PNLDC1: variants seen among roughly 807,000 people sequenced by gnomAD.
The protein encoded by PNLDC1 is PARN like ribonuclease domain containing exonuclease 1.
PNLDC1 carries 70 observed loss-of-function variants against 82.0 expected under a neutral mutation model. The observed-to-expected ratio is 0.85, with a 90% CI of 0.70 to 1.04. The LOEUF (loss-of-function observed/expected upper bound fraction) is 1.04. PNLDC1 is among the 50% of genes least tolerant of loss of function. The pLI, the probability that PNLDC1 is intolerant of heterozygous loss-of-function variation, is 0.00. For missense variants in PNLDC1, 631 were observed against 661.1 expected (o/e 0.95, Z 0.50); for synonymous variants, 280 against 249.3 (o/e 1.12, Z -1.16).
At chr6:159,805,915 G>GT (rs1781430082) in intron 6 of PNLDC1, 68 bp from the exon 7 acceptor site, 13 of 1,164,654 alleles carry the variant, frequency 1.1e-5, no homozygotes, top group Non-Finnish European at 1.6e-5. Context: ...CTGCTCTCAT[G>GT]TTAACATAGT....
chr6:159,814,159 C>T (rs534776225), intron 12 of PNLDC1, among the ~76,000 whole-genome samples: 92 of 152,274 alleles, frequency 6.0e-4, no homozygotes, highest in Admixed American at 2.8e-3. Context: ...CCTCAGCCCA[C>T]GGCAGGCAGG....
chr6:159,808,640 T>G, intron 7 of PNLDC1, 100 bp from the exon 8 acceptor site: 5 of 1,138,414 alleles, frequency 4.4e-6, no homozygotes, highest in South Asian at 1.4e-5. Context: ...CCTTTCCACT[T>G]GACCTTTCCA....
intron 11 of PNLDC1, among the ~76,000 whole-genome samples, chr6:159,813,048 A>G (rs1296059607): frequency 2.0e-5 from 3 of 152,160 alleles, no homozygotes; most frequent in African/African-American, 2.4e-5. Flanking sequence ...CAACAACTGA[A>G]GAACAGAGAA....
Position 159,800,597 on chromosome 6 carries a change from G to T in PNLDC1, c.77-175G>T. 9 of 1,535,252 alleles carry T rather than the reference G, an allele frequency of 5.9e-6. No homozygotes were observed. In the South Asian group the frequency reaches 9.5e-5, roughly 16 times the overall value. On this transcript the variant is annotated intron_variant, in intron 1 of 18. Coordinates refer to ENST00000392167, the MANE Select transcript of PNLDC1 (RefSeq NM_001271862.2). ...TCCCTTGTTGGCCAGAGCCCCGTGC[G>T]CCCAGGTGCCTGGCTGCTCCTTGCC...
chr6:159,802,594 G>A (rs933615627), intron 3 of PNLDC1, among the ~76,000 whole-genome samples: 3 of 151,498 alleles, frequency 2.0e-5, no homozygotes, highest in African/African-American at 7.3e-5. Flanking sequence ...TGTTTGGGGG[G>A]AAGGGGGACA....
At chr6:159,810,685 G>A (rs1781617465) in intron 10 of PNLDC1, among the ~76,000 whole-genome samples, 1 of 152,128 alleles carries the variant, frequency 6.6e-6, no homozygotes, top group Non-Finnish European at 1.5e-5. Context: ...AGTCTCCAGC[G>A]AGTTGACATT....
chr6:159,810,906 A>G (rs773919288), intron 10 of PNLDC1, among the ~76,000 whole-genome samples: 1 of 152,220 alleles, frequency 6.6e-6, no homozygotes, highest in Non-Finnish European at 1.5e-5. Context: ...TTCACCAAAA[A>G]ACTAAGTACA....
At chr6:159,815,385 A>G (rs1414436062) in intron 12 of PNLDC1, among the ~76,000 whole-genome samples, 1 of 152,180 alleles carries the variant, frequency 6.6e-6, no homozygotes, top group Non-Finnish European at 1.5e-5. Context: ...TGCCTGTTGT[A>G]GGGGCTCCTC....
chr6:159,818,757 C>T (rs532310272), intron 16 of PNLDC1, 103 bp downstream of exon 16: 37 of 1,279,756 alleles, frequency 2.9e-5, no homozygotes, highest in East Asian at 7.0e-5. Context: ...TTTCGGTGGT[C>T]GGTGAGATGA....
In PNLDC1 at chr6:159,806,013, G is replaced by A. The variant is rs1781433892; in HGVS notation, c.492G>A (p.Val164=). ...CGGATAAAGACCAAATCAAGGTGGT[G>A]ATTGACGAAGTGACGCGGTGGCTGG... ...SSPDKDQIKV[V]IDEVTRWLEL... Residue 164 remains valine (V), a synonymous_variant, in exon 7 of 19, where the codon GTG becomes GTA. Transcript: ENST00000392167. 6.2e-7 allele frequency: 1 copy of A among 1,614,094 alleles called. No individual in the cohort carries two copies. Among genetic ancestry groups the A allele is most frequent in the Admixed American group, 1.7e-5 (1 of 60,010 alleles).
At chr6:159,804,129 G>T (rs1562497266) in intron 5 of PNLDC1, 41 bp downstream of exon 5, 1 of 1,604,584 alleles carries the variant, frequency 6.2e-7, no homozygotes, top group East Asian at 2.2e-5. Flanking sequence ...TCTTTTGTTT[G>T]TTTCTGAGAT....
At chr6:159,820,425 G>T in intron 18 of PNLDC1, 29 bp from the exon 19 acceptor site, 3 of 1,613,000 alleles carry the variant, frequency 1.9e-6, no homozygotes, top group Non-Finnish European at 2.5e-6. Context: ...TGGGTGCCCC[G>T]GCCACTGACA....
chr6:159,808,930 T>G, intron 8 of PNLDC1, 85 bp from the exon 9 acceptor site: 1 of 1,589,016 alleles, frequency 6.3e-7, no homozygotes, highest in Non-Finnish European at 8.6e-7. Flanking sequence ...TTTCCCCCTT[T>G]CCTTTTGTTT....
upstream of PNLDC1, among the ~76,000 whole-genome samples, chr6:159,800,058 T>G (rs1477034303): frequency 6.6e-6 from 1 of 152,216 alleles, no homozygotes; most frequent in Non-Finnish European, 1.5e-5. Flanking sequence ...AAGAAATTGC[T>G]GAGGAGCCAG....
chr6:159,819,158 G>A lies in PNLDC1; in HGVS notation c.1433+37G>A, dbSNP rs1781948904. ...TAAGTCCGCGTCCCCCACCCCTCGT[G>A]CGTTCATCCCTGTATCTCTCTGACT... On this transcript the variant is annotated intron_variant, in intron 17 of 18. Transcript: ENST00000392167. This position sits in a 1 kb window ranked among gnomAD's most constrained non-coding sequence, Gnocchi z 4.6. 1 of 1,610,522 alleles carries A rather than the reference G, an allele frequency of 6.2e-7. No individual in the cohort carries two copies. The highest frequency in any genetic ancestry group is 8.5e-7 in the Non-Finnish European group (1 of 1,177,604).
chr6:159,813,803 G>A (rs564616666), intron 12 of PNLDC1, 147 bp downstream of exon 12: 56 of 691,850 alleles, frequency 8.1e-5, no homozygotes, highest in Admixed American at 3.5e-4. Flanking sequence ...CCTGCTTCAT[G>A]GCCCCCTTCC....
chr6:159,800,178 A>C, upstream of PNLDC1: 1 of 778,662 alleles, frequency 1.3e-6, no homozygotes, highest in Non-Finnish European at 2.0e-6. Flanking sequence ...GAAGCTGGGC[A>C]CGTGGGGCGG....
intron 1 of PNLDC1, 144 bp downstream of exon 1, chr6:159,800,527 C>T (rs1781203159): frequency 2.3e-6 from 3 of 1,315,778 alleles, no homozygotes; most frequent in Admixed American, 2.4e-5. Context: ...TCTCCAGCCC[C>T]GGGGCGGTGG....
chr6:159,801,648 G>A (rs988603195), intron 3 of PNLDC1, among the ~76,000 whole-genome samples: 4 of 151,998 alleles, frequency 2.6e-5, no homozygotes, highest in Admixed American at 6.6e-5. Flanking sequence ...TTTTCGTCAT[G>A]TTGGCCAGGC....
Sources: gnomAD v4.1 joint callset for allele counts (sites outside exome capture counted in the v4.1 genomes callset) on GRCh38, gnomAD v4.1.1 for gene constraint, Gnocchi (gnomAD v3.1) non-coding constraint, MANE v1.5 for transcripts, NCBI Gene and HGNC (gene_info 2026-07-23, HGNC 2026-07-21) for gene names.